Variants in COG2 observed in about 807,000 individuals in gnomAD.
COG2 encodes conserved oligomeric Golgi complex subunit 2.
COG2 carries 52 observed loss-of-function variants against 90.6 expected under a neutral mutation model. The observed-to-expected ratio is 0.57, with a 90% CI of 0.46 to 0.72. The LOEUF is 0.72. Among genes scored for constraint, COG2 ranks in the 30% least tolerant of loss-of-function variants. COG2 has a pLI of 0.00. For synonymous variants in COG2, 337 were observed against 320.4 expected (o/e 1.05, Z -0.55); for missense variants, 829 against 891.2 (o/e 0.93, Z 0.89).
chr1:230,690,248 G>T, intron 16 of COG2, 95 bp downstream of exon 16: 1 of 1,081,936 alleles, frequency 9.2e-7, no homozygotes. Flanking sequence ...GGATAAGGCA[G>T]TGAGACTGCC....
chr1:230,681,953 G>A (rs1384460936), intron 10 of COG2: 1 of 146,534 alleles, frequency 6.8e-6, no homozygotes, highest in Admixed American at 6.9e-5. Context: ...GCATTTCTTT[G>A]GTCCTTTTTC....
intron 2 of COG2, among the ~76,000 whole-genome samples, chr1:230,659,984 T>C (rs891673960): frequency 2.0e-5 from 3 of 152,242 alleles, no homozygotes; most frequent in Non-Finnish European, 4.4e-5. Context: ...TTTAATTTAC[T>C]TTCAGATACA....
intron 2 of COG2, 48 bp downstream of exon 2, chr1:230,659,673 T>G: frequency 6.4e-7 from 1 of 1,565,550 alleles, no homozygotes; most frequent in Non-Finnish European, 8.7e-7. Flanking sequence ...AATTTCTTTC[T>G]CACTCATACT....
chr1:230,654,778 G>A (rs949892633), intron 1 of COG2, among the ~76,000 whole-genome samples: 1 of 152,186 alleles, frequency 6.6e-6, no homozygotes, highest in Admixed American at 6.5e-5. Context: ...TCCTTGAGCA[G>A]CGGTTTGTAG....
Position 230,678,998 on chromosome 1 carries a change from C to T in COG2, c.1112C>T (p.Pro371Leu), listed in dbSNP as rs1440206887. The change falls in exon 10 of 18, where the codon CCT (proline) becomes CTT (leucine). Residue 371 changes from proline (P) to leucine (L), a missense_variant. Coordinates refer to ENST00000366669, the MANE Select transcript of COG2 (RefSeq NM_007357.3). ...QASVKRLRAH[P>L]AYHSFNKKWN... The stretch of plus-strand genomic sequence containing the variant: ...AGTGTAAAGAGATTAAGAGCCCATC[C>T]TGCCTATCACAGCTTCAATAAGAAG... 6.2e-7 allele frequency: 1 copy of T among 1,613,752 alleles called. No homozygotes were observed. Among genetic ancestry groups the T allele is most frequent in the Non-Finnish European group, 8.5e-7 (1 of 1,179,716 alleles).
Position 230,690,005 on chromosome 1 carries a change from T to G in COG2, c.1795-9T>G, listed in dbSNP as rs1662984667. The G allele has an allele frequency of 6.3e-7, 1 of 1,575,760 alleles. No homozygotes were observed. The highest frequency in any genetic ancestry group is 1.9e-5 in the Admixed American group (1 of 51,398). ...TGTGCATCTTTATCTCCTACCATCA[T>G]CATTCCAGGAGGTCCCAACCACAGC... On this transcript the variant is annotated splice_polypyrimidine_tract_variant and intron_variant, in intron 15 of 17. Transcript: ENST00000366669.
chr1:230,667,914 A>G (rs1662358005), intron 5 of COG2, among the ~76,000 whole-genome samples: 1 of 152,004 alleles, frequency 6.6e-6, no homozygotes, highest in Non-Finnish European at 1.5e-5. Flanking sequence ...TGATATTGAC[A>G]TTTTATAATA....
At chr1:230,692,597 A>G (rs972090469) in intron 17 of COG2, among the ~76,000 whole-genome samples, 2 of 152,176 alleles carry the variant, frequency 1.3e-5, no homozygotes, top group African/African-American at 4.8e-5. Flanking sequence ...AAGGGAAGGA[A>G]GGAAGGAGAG....
intron 1 of COG2, among the ~76,000 whole-genome samples, chr1:230,654,814 C>G (rs1371717226): frequency 6.6e-6 from 1 of 152,174 alleles, no homozygotes; most frequent in Non-Finnish European, 1.5e-5. Context: ...TCCTTCACAT[C>G]CCTTGTAAGT....
At chr1:230,663,770 C>G in intron 4 of COG2, among the ~76,000 whole-genome samples, 1 of 152,118 alleles carries the variant, frequency 6.6e-6, no homozygotes, top group East Asian at 1.9e-4. Flanking sequence ...TGAATTGGCA[C>G]TTAACGTTTA....
chr1:230,670,389 C>T (rs183383805), intron 7 of COG2: 1 of 152,280 alleles, frequency 6.6e-6, no homozygotes, highest in African/African-American at 2.4e-5. Context: ...AGATTATACT[C>T]ACATGATTTC....
At chr1:230,654,430 G>A (rs540346938) in intron 1 of COG2, among the ~76,000 whole-genome samples, 3 of 152,244 alleles carry the variant, frequency 2.0e-5, no homozygotes, top group South Asian at 2.1e-4. Context: ...TAGATGTGTG[G>A]TGTTATTTCT....
chr1:230,671,318 T>A, intron 7 of COG2, 198 bp from the exon 8 acceptor site: 1 of 393,852 alleles, frequency 2.5e-6, no homozygotes, highest in African/African-American at 2.1e-5. Context: ...CCCACAGTTG[T>A]ATCTGTACAG....
chr1:230,651,782 A>G (rs1200849407), intron 1 of COG2, among the ~76,000 whole-genome samples: 1 of 152,250 alleles, frequency 6.6e-6, no homozygotes, highest in Non-Finnish European at 1.5e-5. Flanking sequence ...TAACTAAAAC[A>G]GCTTATTTTC....
chr1:230,660,908 G>T, intron 3 of COG2, 85 bp downstream of exon 3: 1 of 846,336 alleles, frequency 1.2e-6, no homozygotes, highest in Non-Finnish European at 1.8e-6. Flanking sequence ...CCTTTAATCT[G>T]TTAGGTTGTT....
At chr1:230,674,518 A>G (rs1463742813) in intron 8 of COG2, among the ~76,000 whole-genome samples, 2 of 152,276 alleles carry the variant, frequency 1.3e-5, no homozygotes, top group Non-Finnish European at 2.9e-5. Context: ...TGATAGTCAT[A>G]GAATTTTAGA....
At chr1:230,674,965 T>G (rs1571956022) in intron 8 of COG2, 33 bp from the exon 9 acceptor site, 1 of 1,541,450 alleles carries the variant, frequency 6.5e-7, no homozygotes, top group East Asian at 2.4e-5. Context: ...TAGATTATGG[T>G]ATATTTTACT....
rs528484786 is a variant in COG2 at position 230,665,483 on chromosome 1, C to A, written c.485+896C>A. On this transcript the variant is annotated intron_variant, in intron 5 of 17. Transcript: ENST00000366669. ...TATACCTGCAGTTCAAAGTCCTGAT[C>A]GTATTATCAAGACAAGTTGGATTTC... 7.2e-5 allele frequency among the ~76,000 whole-genome samples: 11 copies of A among 152,244 alleles called. No individual in the cohort carries two copies. The South Asian group carries it at 2.3e-3, about 32-fold the overall frequency.
chr1:230,677,021 G>A (rs1662615965), intron 9 of COG2, among the ~76,000 whole-genome samples: 1 of 152,030 alleles, frequency 6.6e-6, no homozygotes, highest in South Asian at 2.1e-4. Context: ...TAGGTTTTCT[G>A]AATCTGAGAA....
Sources: allele counts gnomAD v4.1 joint callset (sites outside exome capture counted in the v4.1 genomes callset), GRCh38; gene constraint gnomAD v4.1.1; transcripts MANE v1.5; gene names NCBI Gene and HGNC (gene_info 2026-07-23, HGNC 2026-07-21).